The following LOC728743 variants were observed in gnomAD, a reference collection of about 807,000 sequenced individuals.
At chr7:150,408,457 TCTC>T in the LOC728743 span, 1 of 335,586 alleles carries the variant, frequency 3.0e-6, no homozygotes, top group Admixed American at 4.9e-5. Flanking sequence ...CTGCCATGGT[TCTC>T]CTTCTCTGGC....
the LOC728743 span, among the ~76,000 whole-genome samples, chr7:150,401,289 A>G: frequency 6.6e-6 from 1 of 152,186 alleles, no homozygotes; most frequent in Non-Finnish European, 1.5e-5. Flanking sequence ...AGTCGGCCTC[A>G]TTGAGAGGGT....
the LOC728743 span, among the ~76,000 whole-genome samples, chr7:150,403,660 A>G: frequency 6.6e-6 from 1 of 152,128 alleles, no homozygotes; most frequent in Non-Finnish European, 1.5e-5. The surrounding 1 kb of genome is among the most constrained non-coding windows in gnomAD (Gnocchi z 5.1). Context: ...CATCTGTCCT[A>G]TGGACTAGTT....
At chr7:150,407,868 A>G in the LOC728743 span, 1 of 426,634 alleles carries the variant, frequency 2.3e-6, no homozygotes, top group Non-Finnish European at 4.2e-6. Context: ...CTCGAGGTGC[A>G]CCAGCGCACG....
At chr7:150,408,693 C>G in the LOC728743 span, among the ~76,000 whole-genome samples, 2 of 152,224 alleles carry the variant, frequency 1.3e-5, no homozygotes, top group African/African-American at 4.8e-5. Context: ...AAACCCCACG[C>G]CCAACCTCAG....
At chr7:150,410,992 C>G in the LOC728743 span, 7 of 152,290 alleles carry the variant, frequency 4.6e-5, no homozygotes, top group Non-Finnish European at 7.3e-5. Flanking sequence ...CCAGACCTAA[C>G]GAATGGTGCG....
At chr7:150,410,028 G>A in the LOC728743 span, 1 of 397,656 alleles carries the variant, frequency 2.5e-6, no homozygotes, top group East Asian at 3.6e-5. Flanking sequence ...GGGACAAAGA[G>A]GATTCATTCA....
chr7:150,407,634 G>C, the LOC728743 span: 1 of 398,988 alleles, frequency 2.5e-6, no homozygotes, highest in Non-Finnish European at 4.4e-6. Context: ...GCGTCCTCCG[G>C]GGGCGGGTCC....
chr7:150,412,388 G>A, the LOC728743 span: 1 of 152,286 alleles, frequency 6.6e-6, no homozygotes, highest in East Asian at 1.9e-4. Flanking sequence ...GTGCACGGAA[G>A]TGGTCGTCCA....
chr7:150,409,257 T>A, the LOC728743 span, among the ~76,000 whole-genome samples: 1 of 149,776 alleles, frequency 6.7e-6, no homozygotes, highest in African/African-American at 2.5e-5. Flanking sequence ...ATGAGATGAG[T>A]GCTATGATCT....
At chr7:150,408,117 C>A in the LOC728743 span, 1 of 383,318 alleles carries the variant, frequency 2.6e-6, no homozygotes, top group Non-Finnish European at 4.6e-6. Context: ...TACTTCTGCC[C>A]CCGCTGCGGC....
At chr7:150,404,836 G>C in the LOC728743 span, 1 of 152,388 alleles carries the variant, frequency 6.6e-6, no homozygotes, top group East Asian at 1.9e-4. Flanking sequence ...GTCAGCGAGG[G>C]CAGCTCCTCG....
At chr7:150,410,187 C>A in the LOC728743 span, 1 of 398,588 alleles carries the variant, frequency 2.5e-6, no homozygotes, top group Non-Finnish European at 4.4e-6. Flanking sequence ...TCTTAAGACC[C>A]GATAGGTGCA....
the LOC728743 span, chr7:150,405,399 G>C: frequency 6.6e-6 from 1 of 152,348 alleles, no homozygotes; most frequent in South Asian, 2.1e-4. Flanking sequence ...CTCGGGGGCG[G>C]GTCACTGCGG....
the LOC728743 span, chr7:150,408,370 G>A: frequency 5.5e-6 from 2 of 362,944 alleles, no homozygotes; most frequent in African/African-American, 2.1e-5. Context: ...GGTGTGGGCC[G>A]CCGCCAGGCT....
At chr7:150,409,116 C>T in the LOC728743 span, among the ~76,000 whole-genome samples, 1 of 122,472 alleles carries the variant, frequency 8.2e-6, no homozygotes, top group Non-Finnish European at 1.6e-5. Flanking sequence ...CTAGGAAGAG[C>T]AAGTGTGTAG....
chr7:150,410,093 G>A, the LOC728743 span: 2 of 398,554 alleles, frequency 5.0e-6, no homozygotes, highest in African/African-American at 2.1e-5. Context: ...TAGCCCCAGA[G>A]GGGTGGCTGG....
the LOC728743 span, chr7:150,407,680 G>A: frequency 5.0e-6 from 2 of 399,246 alleles, no homozygotes; most frequent in Non-Finnish European, 8.8e-6. Flanking sequence ...TGGGGGACGA[G>A]CGAGGCCTGG....
At chr7:150,407,611 C>T in the LOC728743 span, 1 of 398,856 alleles carries the variant, frequency 2.5e-6, no homozygotes, top group Middle Eastern at 6.3e-4. Flanking sequence ...TGGAAGTGCC[C>T]ATGACCGAGC....
the LOC728743 span, among the ~76,000 whole-genome samples, chr7:150,409,980 C>A: frequency 2.0e-5 from 3 of 152,182 alleles, no homozygotes; most frequent in Non-Finnish European, 4.4e-5. Flanking sequence ...GGTGTCTCAT[C>A]TGTAAATGGG....
Sources: gnomAD v4.1 joint callset for allele counts (sites outside exome capture counted in the v4.1 genomes callset) on GRCh38, gnomAD v4.1.1 for gene constraint, Gnocchi (gnomAD v3.1) non-coding constraint, MANE v1.5 for transcripts.